The following RALGPS1 variants were observed in gnomAD, a reference collection of about 807,000 sequenced individuals.
RALGPS1 encodes the protein ras-specific guanine nucleotide-releasing factor RalGPS1.
Under a neutral mutation model 78.8 loss-of-function variants are expected in RALGPS1, and 19 were observed. The ratio of observed to expected loss-of-function variants is 0.24; its 90% CI spans 0.17 to 0.35. The LOEUF (loss-of-function observed/expected upper bound fraction) is 0.35, where lower values mean the gene tolerates loss of function less well. Among genes scored for constraint, RALGPS1 ranks in the 10% least tolerant of loss-of-function variants. RALGPS1 has a pLI of 1.00. For missense variants in RALGPS1, 454 were observed against 688.3 expected, an observed-to-expected ratio of 0.66 and a Z score of 3.81; for synonymous variants, 228 against 256.3, an observed-to-expected ratio of 0.89 and a Z score of 1.06.
At chr9:126,987,695 C>T (rs2041929514) in intron 4 of RALGPS1, among the ~76,000 whole-genome samples, 1 of 152,152 alleles carries the variant, frequency 6.6e-6, no homozygotes, top group African/African-American at 2.4e-5. Context: ...CTTCTCACTG[C>T]CCCTGCCAAC....
intron 4 of RALGPS1, among the ~76,000 whole-genome samples, chr9:127,004,037 A>G (rs977909101): frequency 6.6e-6 from 1 of 152,148 alleles, no homozygotes; most frequent in African/African-American, 2.4e-5. Context: ...TTTTGATATT[A>G]TAGTTACTTT....
chr9:127,216,844 A>C (rs577983037), intron 18 of RALGPS1: 4 of 1,415,328 alleles, frequency 2.8e-6, no homozygotes, highest in East Asian at 5.4e-5. Context: ...GGGGTCCCTC[A>C]GTAGCTCTGA....
At chr9:126,930,248 A>G (rs2035675173) in intron 1 of RALGPS1, among the ~76,000 whole-genome samples, 1 of 151,324 alleles carries the variant, frequency 6.6e-6, no homozygotes. Flanking sequence ...CATATTAAAT[A>G]TGTATTGAAT....
In RALGPS1 at chr9:126,924,669, A is replaced by T. The variant is rs973120454; in HGVS notation, c.-66+9694A>T. Among the ~76,000 whole-genome samples the T allele has an allele frequency of 2.6e-5, 4 of 152,240 alleles. No individual in the cohort carries two copies. The East Asian group carries it at 7.7e-4, about 29-fold the overall frequency. ...TCAGAACAAAGAGAGCTGGATGATG[A>T]TAAAGGATTGTACCAATAACTGAAG... On this transcript the variant is annotated intron_variant, in intron 1 of 18. Transcript: ENST00000259351.
At chr9:127,155,243 A>AT (rs2058648452) in intron 8 of RALGPS1, among the ~76,000 whole-genome samples, 1 of 152,076 alleles carries the variant, frequency 6.6e-6, no homozygotes, top group South Asian at 2.1e-4. Flanking sequence ...TTCCCTGGCC[A>AT]TTTTCTGAGC....
intron 8 of RALGPS1, among the ~76,000 whole-genome samples, chr9:127,103,570 C>T (rs1308024175): frequency 6.6e-6 from 1 of 152,198 alleles, no homozygotes; most frequent in African/African-American, 2.4e-5. Flanking sequence ...TCAGTTGGGT[C>T]CATTTGCTGG....
chr9:127,171,187 T>C (rs2059548752), intron 10 of RALGPS1, among the ~76,000 whole-genome samples: 1 of 152,212 alleles, frequency 6.6e-6, no homozygotes, highest in African/African-American at 2.4e-5. Context: ...CTAGAAAGCA[T>C]GACCATTAGC....
chr9:127,193,565 A>G (rs975895052), intron 11 of RALGPS1, among the ~76,000 whole-genome samples: 2 of 152,166 alleles, frequency 1.3e-5, no homozygotes, highest in African/African-American at 2.4e-5. Context: ...GAATCTGCCA[A>G]AATGCCAGAT....
intron 1 of RALGPS1, among the ~76,000 whole-genome samples, chr9:126,916,121 T>G (rs919120991): frequency 3.3e-5 from 5 of 152,170 alleles, no homozygotes; most frequent in Non-Finnish European, 7.3e-5. Flanking sequence ...GATAAAGTTA[T>G]GAGTTTCCTT....
chr9:127,084,429 C>T (rs10760474), intron 8 of RALGPS1, among the ~76,000 whole-genome samples: 26,642 of 152,108 alleles, frequency 0.18, 3,114 homozygotes, highest in East Asian at 0.45. Context: ...CTGCCCTGCC[C>T]CTACCCCCAC....
In RALGPS1 at chr9:127,108,792, CAG is replaced by C. The variant is rs1252865970; in HGVS notation, c.610+39439_610+39440del. The C allele has an allele frequency of 4.6e-6, 7 of 1,506,906 alleles. No homozygotes were observed. The Admixed American group carries it at 7.5e-5, about 16-fold the overall frequency. The allele number at this position is 1,506,906 out of a possible 1,614,324, so 93.3% of individuals were successfully genotyped here. A position where few individuals can be genotyped will look rare whatever the true frequency, so the allele number is the denominator to read the frequency against. On this transcript the variant is annotated intron_variant, in intron 8 of 18. Coordinates refer to ENST00000259351, the MANE Select transcript of RALGPS1 (RefSeq NM_014636.3). ...GAATCTATGAAAGCCTGAAAGTAAA[CAG>C]AGGGGAGAATCAGTGATGGTCCCAC...
intron 1 of RALGPS1, among the ~76,000 whole-genome samples, chr9:126,954,292 A>T (rs539351595): frequency 1.3e-5 from 2 of 152,300 alleles, no homozygotes; most frequent in South Asian, 4.1e-4. Context: ...CCCTGCATGC[A>T]GTCCATCAGT....
intron 1 of RALGPS1, among the ~76,000 whole-genome samples, chr9:126,915,885 C>G (rs534017506): frequency 1.3e-5 from 2 of 152,062 alleles, no homozygotes; most frequent in Non-Finnish European, 2.9e-5. Flanking sequence ...GCCACTGGTA[C>G]CAGAAGCTGC....
At chr9:127,171,319 C>T (rs935954449) in intron 10 of RALGPS1, among the ~76,000 whole-genome samples, 11 of 151,964 alleles carry the variant, frequency 7.2e-5, no homozygotes, top group African/African-American at 2.7e-4. Context: ...ACTACACTGG[C>T]TATTTTTAAT....
chr9:127,217,331 G>C (rs953129323), intron 18 of RALGPS1: 4 of 1,025,796 alleles, frequency 3.9e-6, no homozygotes, highest in Admixed American at 1.1e-4. Flanking sequence ...ATAAAAAGTT[G>C]ACAACAACTG....
intron 14 of RALGPS1, 44 bp downstream of exon 14, chr9:127,199,110 C>G (rs1338328279): frequency 1.3e-6 from 2 of 1,583,348 alleles, no homozygotes; most frequent in Admixed American, 3.3e-5. Context: ...GGGCGGTGCT[C>G]AGGGCTGAGG....
intron 8 of RALGPS1, among the ~76,000 whole-genome samples, chr9:127,138,899 G>A (rs2057582288): frequency 6.6e-6 from 1 of 152,236 alleles, no homozygotes; most frequent in Non-Finnish European, 1.5e-5. Flanking sequence ...TGGGGGATAG[G>A]TAGCTCTCTA....
chr9:127,191,309 ATAATGATTG>A (rs1315863660), intron 11 of RALGPS1, among the ~76,000 whole-genome samples: 1 of 152,176 alleles, frequency 6.6e-6, no homozygotes, highest in Non-Finnish European at 1.5e-5. Context: ...CCCCAAGATT[ATAATGATTG>A]TCTCCTATTT....
At chr9:126,985,880 G>A (rs1438835939) in intron 4 of RALGPS1, among the ~76,000 whole-genome samples, 1 of 152,208 alleles carries the variant, frequency 6.6e-6, no homozygotes, top group Non-Finnish European at 1.5e-5. Flanking sequence ...TTGAATGAGT[G>A]GAGTGTGAAT....
Sources: allele counts gnomAD v4.1 joint callset (sites outside exome capture counted in the v4.1 genomes callset), GRCh38; gene constraint gnomAD v4.1.1; transcripts MANE v1.5; gene names NCBI Gene and HGNC (gene_info 2026-07-23, HGNC 2026-07-21).